The following DDX56 variants were observed in gnomAD, a reference collection of about 807,000 sequenced individuals.
The protein encoded by DDX56 is DEAD-box helicase 56.
Under a neutral mutation model 61.5 loss-of-function variants are expected in DDX56, and 45 were observed. That is an observed-to-expected ratio of 0.73 (90% CI 0.58 to 0.94). The LOEUF (loss-of-function observed/expected upper bound fraction) is 0.94. Among genes scored for constraint, DDX56 ranks in the 40% least tolerant of loss-of-function variants. DDX56 has a pLI of 0.00. For synonymous variants in DDX56, 273 were observed against 268.3 expected, an observed-to-expected ratio of 1.02 and a Z score of -0.17; for missense variants, 708 against 690.7, an observed-to-expected ratio of 1.02 and a Z score of -0.28.
intron 5 of DDX56, 100 bp downstream of exon 5, chr7:44,572,247 T>C: frequency 1.0e-6 from 1 of 977,430 alleles, no homozygotes; most frequent in East Asian, 2.5e-5. Flanking sequence ...AAGTGACAAC[T>C]GTCCCACCCA....
intron 6 of DDX56, 92 bp from the exon 7 acceptor site, chr7:44,570,969 C>CT (rs1255399253): frequency 2.1e-6 from 3 of 1,433,656 alleles, no homozygotes; most frequent in Non-Finnish European, 2.8e-6. Flanking sequence ...TCACCCTTTC[C>CT]TTTTTCCTCT....
chr7:44,567,188 G>A (rs1276659566), intron 12 of DDX56, among the ~76,000 whole-genome samples: 1 of 139,184 alleles, frequency 7.2e-6, no homozygotes, highest in Non-Finnish European at 1.5e-5. Context: ...GGCCCCCACC[G>A]CTCTCTCTGG....
At chr7:44,569,695 G>T in intron 9 of DDX56, 114 bp downstream of exon 9, 1 of 901,634 alleles carries the variant, frequency 1.1e-6, no homozygotes, top group Non-Finnish European at 1.7e-6. Flanking sequence ...AGGATGGATG[G>T]TGGAAGTGGC....
At position 44,570,024 on chromosome 7, in the gene DDX56, C is replaced by T. The variant is rs144918436; in HGVS notation, c.1115G>A (p.Arg372Gln). 2.1e-5 allele frequency: 34 copies of T among 1,614,024 alleles called. No homozygotes were observed. Among genetic ancestry groups the T allele is most frequent in the Middle Eastern group, 1.6e-4 (1 of 6,084 alleles). The stretch of plus-strand genomic sequence containing the variant: ...GCCGTCACACTACTACCTGCCAGCT[C>T]GATGGATGTAGGCCTCAGGGGTTGG... Reference protein sequence around the residue: ...LPPTPEAYIHRAGRTARANNP... With the variant: ...LPPTPEAYIHQAGRTARANNP... Residue 372 changes from arginine (R) to glutamine (Q), a missense_variant, in exon 8 of 14, where the codon CGA (arginine) becomes CAA (glutamine). Physicochemically the swap from Arg to Gln is conservative, Grantham distance 43. Coordinates refer to ENST00000258772, the MANE Select transcript of DDX56 (RefSeq NM_019082.4).
chr7:44,569,376 C>T (rs1411598624), intron 9 of DDX56, among the ~76,000 whole-genome samples, 173 bp from the exon 10 acceptor site: 2 of 152,246 alleles, frequency 1.3e-5, no homozygotes, highest in African/African-American at 4.8e-5. Context: ...GATGACCCAT[C>T]TGTCCCCGTG....
chr7:44,567,991 G>A (rs1431825188), intron 12 of DDX56, 127 bp downstream of exon 12: 13 of 762,422 alleles, frequency 1.7e-5, no homozygotes, highest in Admixed American at 6.1e-5. Context: ...CCCGCGTGCT[G>A]CCAGGGTCTC....
At chr7:44,572,865 G>A (rs1419023373) in intron 3 of DDX56, 25 bp downstream of exon 3, 4 of 1,583,044 alleles carry the variant, frequency 2.5e-6, no homozygotes, top group African/African-American at 1.4e-5. Context: ...CTTCATTCAG[G>A]TACAGCTTTG....
Position 44,572,411 on chromosome 7 carries a change from A to T in DDX56, c.581T>A (p.Phe194Tyr). 1 of 1,614,154 alleles carries T rather than the reference A, an allele frequency of 6.2e-7. No individual in the cohort carries two copies. The highest frequency in any genetic ancestry group is 8.5e-7 in the Non-Finnish European group (1 of 1,180,028). Residue 194 changes from phenylalanine to tyrosine, a missense_variant, in exon 5 of 14, where the codon TTT (phenylalanine) becomes TAT (tyrosine). By Grantham distance (22) the Phe-to-Tyr change is conservative (BLOSUM62 3). Coordinates refer to ENST00000258772, the MANE Select transcript of DDX56 (RefSeq NM_019082.4). ...LCHLPRIYQA[F>Y]LMSATFNEDV... ...CTCGTTAAAAGTAGCTGACATGAGA[A>T]AAGCCTGGTAAATCCGGGGCAAGTG...
At position 44,572,700 on chromosome 7, in the gene DDX56, G is replaced by A; in HGVS notation, c.428C>T (p.Ser143Phe). 8 of 1,614,220 alleles carry A rather than the reference G, an allele frequency of 5.0e-6. No individual in the cohort carries two copies. The highest frequency in any genetic ancestry group is 6.8e-6 in the Non-Finnish European group (8 of 1,180,038). Reference protein sequence around the residue: ...EKPDVVVGTPSRILSHLQQDS... With the variant: ...EKPDVVVGTPFRILSHLQQDS... ...TTGCTGCAAGTGGCTTAATATGCGA[G>A]ATGGGGTCCCTACTACCACATCTGG... is the stretch of plus-strand genomic sequence containing the variant. The change falls in exon 4 of 14, where the codon TCT becomes TTT. Residue 143 changes from serine (S) to phenylalanine (F), a missense_variant. Coordinates refer to ENST00000258772, the MANE Select transcript of DDX56 (RefSeq NM_019082.4).
At position 44,565,952 on chromosome 7, in the gene DDX56, T is replaced by C; in HGVS notation, c.*50A>G. The C allele has an allele frequency of 1.4e-6, 2 of 1,407,904 alleles. No individual in the cohort carries two copies. Among genetic ancestry groups the C allele is most frequent in the African/African-American group, 2.8e-5 (2 of 71,024 alleles). 87.2% of individuals were successfully genotyped at this position (1,407,904 alleles called of 1,614,324 possible). A position where few individuals can be genotyped will look rare whatever the true frequency, so the allele number is the denominator to read the frequency against. ...CAGAGCCTCGCCTGTCCACGAAGGG[T>C]GTAAGCCTGTGCTCCACAATGTGCT... On this transcript the variant is annotated 3_prime_UTR_variant, in exon 14 of 14. Coordinates refer to ENST00000258772, the MANE Select transcript of DDX56 (RefSeq NM_019082.4).
Position 44,570,851 on chromosome 7 carries a change from T to C in DDX56, c.917A>G (p.Gln306Arg), listed in dbSNP as rs747370461. 6.2e-7 allele frequency: 1 copy of C among 1,613,514 alleles called. No individual in the cohort carries two copies. The highest frequency in any genetic ancestry group is 1.1e-5 in the South Asian group (1 of 91,074). The change falls in exon 7 of 14, where the codon CAA becomes CGA. Residue 306 changes from glutamine (Q) to arginine (R), a missense_variant. Physicochemically the swap from Gln to Arg is conservative, Grantham distance 43. Transcript: ENST00000258772. ...TGCTATGACACAGTCGTAGAAGCCT[T>C]GGTTGAACTGTGAGATGATGTGGCA... ...SRCHIISQFN[Q>R]GFYDCVIATD...
rs1176013269 is a variant in DDX56, at chr7:44,568,991, T to C, written c.1295A>G (p.Asp432Gly). 6.2e-7 allele frequency: 1 copy of C among 1,614,068 alleles called. No individual in the cohort carries two copies. Among genetic ancestry groups the C allele is most frequent in the African/African-American group, 1.3e-5 (1 of 75,054 alleles). ...EIEGFRYRCRDAMRSVTKQAI... is the reference protein window; with the variant it reads ...EIEGFRYRCRGAMRSVTKQAI... ...CTGCTTAGTCACTGAGCGCATGGCA[T>C]CCTGGGGGTGGACACTGAAGGTCAA... The change falls in exon 11 of 14, where the codon GAT becomes GGT. Residue 432 changes from aspartate to glycine, a missense_variant and splice_region_variant. Asp to Gly is a moderately conservative substitution (Grantham distance 94, BLOSUM62 -1). Transcript: ENST00000258772.
chr7:44,571,343 T>G, intron 6 of DDX56, 149 bp downstream of exon 6: 4 of 923,672 alleles, frequency 4.3e-6, no homozygotes, highest in Non-Finnish European at 6.5e-6. Flanking sequence ...TGCCCGGCCA[T>G]GATAGGTATT....
At chr7:44,573,558 T>G in intron 2 of DDX56, 25 bp downstream of exon 2, 1 of 1,605,872 alleles carries the variant, frequency 6.2e-7, no homozygotes, top group East Asian at 2.2e-5. Flanking sequence ...GCCTCCTTCC[T>G]CCCCTCAGCT....
At chr7:44,571,364 G>A (rs1004945435) in intron 6 of DDX56, 128 bp downstream of exon 6, 20 of 1,108,826 alleles carry the variant, frequency 1.8e-5, no homozygotes, top group Non-Finnish European at 2.2e-5. Flanking sequence ...TTGGAGTTGG[G>A]AGAAGTCAGT....
rs1365055411 is a variant in DDX56, at chr7:44,572,574, C to T, written c.554G>A (p.Cys185Tyr). ...GFEEELKSLL[C>Y]HLPRIYQAFL... ...GGAATCACACCCACCTCTGCCTTAC[C>T]AGAGGAGACTCTTGAGCTCTTCTTC... Residue 185 changes from cysteine to tyrosine, a missense_variant and splice_region_variant, in exon 4 of 14, where the codon TGT becomes TAT. Physicochemically the swap from Cys to Tyr is radical, Grantham distance 194. Transcript: ENST00000258772. The T allele has an allele frequency of 6.2e-7, 1 of 1,614,054 alleles. No homozygotes were observed.
chr7:44,569,591 G>A (rs1344653111), intron 9 of DDX56, among the ~76,000 whole-genome samples: 2 of 152,146 alleles, frequency 1.3e-5, no homozygotes, highest in Admixed American at 6.5e-5. Context: ...GTCACTCAAC[G>A]CTCATGAGGC....
At chr7:44,572,318 G>A (rs764367258) in intron 5 of DDX56, 29 bp downstream of exon 5, 2 of 1,589,644 alleles carry the variant, frequency 1.3e-6, no homozygotes, top group Non-Finnish European at 1.7e-6. Flanking sequence ...CATGTCTGCA[G>A]CTCCAGACAC....
At position 44,569,129 on chromosome 7, in the gene DDX56, C is replaced by T. The variant is rs762853797; in HGVS notation, c.1293+1G>A. 3 of 1,613,776 alleles carry T rather than the reference C, an allele frequency of 1.9e-6. No homozygotes were observed. Among genetic ancestry groups the T allele is most frequent in the Non-Finnish European group, 2.5e-6 (3 of 1,179,774 alleles). ...TTCCCCTCCCCACCACAGCAGCTCACCCTGCAGCGATAGCGGAAGCCCTCG... is the reference window on the plus strand; with the variant it reads ...TTCCCCTCCCCACCACAGCAGCTCATCCTGCAGCGATAGCGGAAGCCCTCG... On this transcript the variant is annotated splice_donor_variant, in intron 10 of 13. Coordinates refer to ENST00000258772, the MANE Select transcript of DDX56 (RefSeq NM_019082.4). LOFTEE classifies it high-confidence loss of function.
Sources: allele counts gnomAD v4.1 joint callset (sites outside exome capture counted in the v4.1 genomes callset), GRCh38; gene constraint gnomAD v4.1.1; transcripts MANE v1.5; gene names NCBI Gene and HGNC (gene_info 2026-07-23, HGNC 2026-07-21).